Variants in NPAS3 observed in about 807,000 individuals in gnomAD.
The protein encoded by NPAS3 is neuronal PAS domain protein 3.
NPAS3 carries 14 observed loss-of-function variants against 73.1 expected under a neutral mutation model. The ratio of observed to expected loss-of-function variants is 0.19; its 90% CI spans 0.13 to 0.30. NPAS3 has a LOEUF of 0.30. NPAS3 is among the 10% of genes least tolerant of loss of function. The pLI, the probability that NPAS3 is intolerant of heterozygous loss-of-function variation, is 1.00. For synonymous variants in NPAS3, 620 were observed against 541.5 expected (o/e 1.14, Z -2.01); for missense variants, 1,096 against 1,250.0 (o/e 0.88, Z 1.86).
intron 9 of NPAS3, among the ~76,000 whole-genome samples, chr14:33,791,261 A>G (rs2063351527): frequency 6.6e-6 from 1 of 152,222 alleles, no homozygotes; most frequent in Non-Finnish European, 1.5e-5. Flanking sequence ...CGACTCCCCA[A>G]GGAAGCCGTG....
intron 4 of NPAS3, among the ~76,000 whole-genome samples, chr14:33,518,585 A>G (rs1014556859): frequency 2.0e-5 from 3 of 147,602 alleles, no homozygotes; most frequent in African/African-American, 7.4e-5. Context: ...ATAAACAGAC[A>G]TCAAGGATTT....
chr14:33,438,157 G>C (rs1257437856), intron 4 of NPAS3, among the ~76,000 whole-genome samples: 1 of 152,160 alleles, frequency 6.6e-6, no homozygotes, highest in African/African-American at 2.4e-5. Context: ...GAAATTTCTT[G>C]ATGCTTACTG....
At chr14:33,143,093 G>A (rs367904562) in intron 2 of NPAS3, among the ~76,000 whole-genome samples, 3 of 152,164 alleles carry the variant, frequency 2.0e-5, no homozygotes, top group East Asian at 1.9e-4. Flanking sequence ...CAACAAGAGC[G>A]AAACTCCATC....
chr14:33,325,701 A>G (rs2043671379), intron 3 of NPAS3, among the ~76,000 whole-genome samples: 1 of 146,884 alleles, frequency 6.8e-6, no homozygotes, highest in Non-Finnish European at 1.5e-5. Context: ...CTGTTGTGTT[A>G]TCTAATAATA....
intron 2 of NPAS3, among the ~76,000 whole-genome samples, chr14:33,110,164 T>C (rs1292598040): frequency 6.6e-6 from 1 of 152,172 alleles, no homozygotes; most frequent in Non-Finnish European, 1.5e-5. Context: ...ATTCATTTAA[T>C]AAATATGTTA....
At chr14:33,069,096 G>A (rs1277719014) in intron 2 of NPAS3, among the ~76,000 whole-genome samples, 2 of 152,148 alleles carry the variant, frequency 1.3e-5, no homozygotes, top group Middle Eastern at 3.2e-3. Context: ...GTGGAAGCAG[G>A]GGACTTAGCT....
intron 1 of NPAS3, among the ~76,000 whole-genome samples, chr14:33,019,349 G>A (rs1021788575): frequency 6.6e-6 from 1 of 152,200 alleles, no homozygotes; most frequent in Admixed American, 6.5e-5. Context: ...AATAAATAAT[G>A]TAAAGGAGAA....
chr14:33,063,202 T>A (rs2041167802), intron 2 of NPAS3, among the ~76,000 whole-genome samples: 1 of 152,186 alleles, frequency 6.6e-6, no homozygotes, highest in Non-Finnish European at 1.5e-5. Flanking sequence ...AGGATGGTGA[T>A]AATAATGAAC....
chr14:33,623,447 A>G (rs761704271), intron 5 of NPAS3, among the ~76,000 whole-genome samples: 2 of 152,210 alleles, frequency 1.3e-5, no homozygotes, highest in Non-Finnish European at 2.9e-5. Flanking sequence ...TTCACAATAC[A>G]TCCAGAGTCT....
intron 6 of NPAS3, among the ~76,000 whole-genome samples, chr14:33,678,986 TA>T (rs2140349310): frequency 6.6e-6 from 1 of 152,334 alleles, no homozygotes; most frequent in African/African-American, 2.4e-5. Context: ...CTTCAACTGT[TA>T]ACTCTCTCCT....
At chr14:33,255,371 C>T (rs1208006124) in intron 3 of NPAS3, among the ~76,000 whole-genome samples, 1 of 152,150 alleles carries the variant, frequency 6.6e-6, no homozygotes, top group Non-Finnish European at 1.5e-5. Context: ...TGCAACTCTT[C>T]TGCAAACTAA....
At chr14:33,147,730 A>AAAAAAAAAATATATATATATATAT (rs372663411) in intron 2 of NPAS3, among the ~76,000 whole-genome samples, 1 of 130,388 alleles carries the variant, frequency 7.7e-6, no homozygotes, top group African/African-American at 3.2e-5. Context: ...TAGAATAAAA[A>AAAAAAAAAATATATATATATATAT]ATATATATAT....
intron 5 of NPAS3, among the ~76,000 whole-genome samples, chr14:33,631,538 C>T (rs567152231): frequency 5.8e-4 from 88 of 152,250 alleles, no homozygotes; most frequent in Non-Finnish European, 9.4e-4. Flanking sequence ...AGCACGTGTC[C>T]CAGTGGCCTT....
intron 5 of NPAS3, among the ~76,000 whole-genome samples, chr14:33,630,474 G>A (rs2058348382): frequency 1.3e-5 from 2 of 152,082 alleles, no homozygotes; most frequent in Admixed American, 1.3e-4. Context: ...AAATGAACTT[G>A]GCAAATCAGC....
chr14:33,346,224 C>CAA (rs3058294), intron 3 of NPAS3, among the ~76,000 whole-genome samples: 54,791 of 126,708 alleles, frequency 0.43, 11,473 homozygotes, highest in Admixed American at 0.53. Flanking sequence ...GACTCCGTCT[C>CAA]AAAAAAAAAA....
In NPAS3 at chr14:33,177,543, T is replaced by C. The variant is rs545924652; in HGVS notation, c.141-37639T>C. Among the ~76,000 whole-genome samples the C allele has an allele frequency of 1.2e-4, 18 of 152,330 alleles. No homozygotes were observed. The South Asian group carries it at 3.5e-3, about 30-fold the overall frequency. ...TTAATGATGTTCAATTTATCTTTTG[T>C]TTGCATCTGTTGCTCATACTTTTGT... is the stretch of plus-strand genomic sequence containing the variant. On this transcript the variant is annotated intron_variant, in intron 2 of 11. Coordinates refer to ENST00000356141, the Ensembl canonical transcript of NPAS3.
chr14:33,120,255 G>A (rs2043191961), intron 2 of NPAS3, among the ~76,000 whole-genome samples: 1 of 152,110 alleles, frequency 6.6e-6, no homozygotes, highest in African/African-American at 2.4e-5. Flanking sequence ...CATGGCGCCT[G>A]GCCCATACTT....
intron 1 of NPAS3, among the ~76,000 whole-genome samples, chr14:32,981,300 C>A (rs2037886894): frequency 6.6e-6 from 1 of 152,152 alleles, no homozygotes; most frequent in Non-Finnish European, 1.5e-5. Flanking sequence ...ATGATGATGA[C>A]AATAATTCAT....
intron 3 of NPAS3, among the ~76,000 whole-genome samples, chr14:33,366,057 G>A (rs889748267): frequency 6.6e-6 from 1 of 152,146 alleles, no homozygotes; most frequent in Non-Finnish European, 1.5e-5. Flanking sequence ...AATATAGAAA[G>A]CATCTGAATA....
Sources: allele counts gnomAD v4.1 joint callset (sites outside exome capture counted in the v4.1 genomes callset), GRCh38; gene constraint gnomAD v4.1.1; transcripts MANE v1.5; gene names NCBI Gene and HGNC (gene_info 2026-07-23, HGNC 2026-07-21).